Variants in ADRA1B observed in about 807,000 individuals in gnomAD.
ADRA1B encodes the protein alpha-1B adrenergic receptor.
Under a neutral mutation model 17.9 loss-of-function variants are expected in ADRA1B, and 17 were observed. The ratio of observed to expected loss-of-function variants is 0.95; its 90% CI spans 0.65 to 1.42. ADRA1B has a LOEUF of 1.42. Ranked by LOEUF, ADRA1B falls within the 40% of genes most tolerant of loss-of-function variation. ADRA1B has a pLI of 0.00. For synonymous variants in ADRA1B, 366 were observed against 327.6 expected, an observed-to-expected ratio of 1.12 and a Z score of -1.27; for missense variants, 681 against 722.1, an observed-to-expected ratio of 0.94 and a Z score of 0.65.
chr5:159,943,941 AACAC>A (rs1323571329), intron 1 of ADRA1B, among the ~76,000 whole-genome samples: 1 of 121,842 alleles, frequency 8.2e-6, no homozygotes, highest in South Asian at 2.7e-4. Flanking sequence ...CACACACACA[AACAC>A]ACACACACAC....
At chr5:159,906,506 A>G (rs772291651) in intron 1 of ADRA1B, among the ~76,000 whole-genome samples, 2 of 152,146 alleles carry the variant, frequency 1.3e-5, no homozygotes, top group African/African-American at 2.4e-5. Flanking sequence ...AAATTCCTGA[A>G]CCCCATTTCA....
intron 1 of ADRA1B, chr5:159,948,243 G>T: frequency 1.0e-6 from 1 of 985,398 alleles, no homozygotes; most frequent in Non-Finnish European, 1.2e-6. Context: ...AGATTATTTT[G>T]TGAAAGCTCC....
chr5:159,879,365 C>T (rs529822569), intron 1 of ADRA1B, among the ~76,000 whole-genome samples: 1 of 152,152 alleles, frequency 6.6e-6, no homozygotes, highest in Non-Finnish European at 1.5e-5. Flanking sequence ...GCAACAGGCG[C>T]CTGCCTGTAA....
chr5:159,977,089 T>C (rs1305257607), downstream of ADRA1B, among the ~76,000 whole-genome samples: 2 of 152,222 alleles, frequency 1.3e-5, no homozygotes, highest in Non-Finnish European at 2.9e-5. Flanking sequence ...TCTCAACTTT[T>C]CCTGAATCAG....
chr5:159,928,561 C>A (rs1351540191), intron 1 of ADRA1B, among the ~76,000 whole-genome samples: 1 of 151,916 alleles, frequency 6.6e-6, no homozygotes, highest in Non-Finnish European at 1.5e-5. Flanking sequence ...TTAACTTTTT[C>A]CAAGTGTGTC....
At chr5:159,898,501 G>C (rs1430001776) in intron 1 of ADRA1B, among the ~76,000 whole-genome samples, 2 of 152,126 alleles carry the variant, frequency 1.3e-5, no homozygotes, top group African/African-American at 2.4e-5. Context: ...GGAAACTAGG[G>C]GTTAGATTGA....
Position 159,917,202 on chromosome 5 carries a change from G to A in ADRA1B, c.297G>A (p.Leu99=), listed in dbSNP as rs1304866449. 2 of 1,614,176 alleles carry A rather than the reference G, an allele frequency of 1.2e-6. No individual in the cohort carries two copies. The highest frequency in any genetic ancestry group is 1.7e-6 in the Non-Finnish European group (2 of 1,180,046). Residue 99 remains leucine, a synonymous_variant, in exon 1 of 2, where the codon CTG becomes CTA. Transcript: ENST00000306675. Reference sequence around the variant, plus strand: ...ACCTGCTGTTGAGCTTCACCGTCCTGCCCTTCTCAGCGGCCCTAGAGGTGC... The same window carrying A: ...ACCTGCTGTTGAGCTTCACCGTCCTACCCTTCTCAGCGGCCCTAGAGGTGC... ...MADLLLSFTV[L]PFSAALEVLG...
chr5:159,932,326 T>G (rs1198871604), intron 1 of ADRA1B, among the ~76,000 whole-genome samples: 1 of 151,970 alleles, frequency 6.6e-6, no homozygotes, highest in Admixed American at 6.6e-5. Flanking sequence ...CCAGCTAATT[T>G]GTAAATTTTT....
chr5:159,956,842 T>G (rs1468302482), intron 1 of ADRA1B, among the ~76,000 whole-genome samples: 1 of 152,192 alleles, frequency 6.6e-6, no homozygotes, highest in Non-Finnish European at 1.5e-5. Flanking sequence ...TAAAATATCT[T>G]CCACAAAAAT....
intron 1 of ADRA1B, among the ~76,000 whole-genome samples, chr5:159,904,654 T>C (rs1001227847): frequency 3.9e-5 from 6 of 152,176 alleles, no homozygotes; most frequent in Non-Finnish European, 8.8e-5. Context: ...CAAAGTGCAT[T>C]ATACACATTG....
upstream of ADRA1B, among the ~76,000 whole-genome samples, chr5:159,913,660 CT>C (rs1222950884): frequency 8.6e-5 from 13 of 151,808 alleles, no homozygotes; most frequent in African/African-American, 2.7e-4. Context: ...CAGATTTGCT[CT>C]TTTTTTTTCA....
chr5:159,965,314 G>C (rs1015045681), intron 1 of ADRA1B, among the ~76,000 whole-genome samples: 1 of 152,144 alleles, frequency 6.6e-6, no homozygotes, highest in Non-Finnish European at 1.5e-5. Context: ...CCATGAGCAA[G>C]GGAAGCGGAG....
chr5:159,967,617 A>G (rs1393958242), intron 1 of ADRA1B, among the ~76,000 whole-genome samples: 4 of 152,224 alleles, frequency 2.6e-5, no homozygotes, highest in Admixed American at 1.3e-4. Context: ...TGAACAGCCA[A>G]TAACTCAAGA....
At chr5:159,965,383 C>T (rs936377413) in intron 1 of ADRA1B, among the ~76,000 whole-genome samples, 1 of 152,124 alleles carries the variant, frequency 6.6e-6, no homozygotes, top group African/African-American at 2.4e-5. Flanking sequence ...TGTTAAAGAG[C>T]CCAGCGCAGC....
chr5:159,988,792 C>A, the ADRA1B span, among the ~76,000 whole-genome samples: 435 of 152,300 alleles, frequency 2.9e-3, 5 homozygotes, highest in African/African-American at 0.01. Flanking sequence ...GCCTGGACAA[C>A]ATAGCAAGAC....
chr5:159,977,861 T>C (rs1183031300), downstream of ADRA1B, among the ~76,000 whole-genome samples: 2 of 152,104 alleles, frequency 1.3e-5, no homozygotes, highest in Non-Finnish European at 2.9e-5. Flanking sequence ...AACTCCCAGC[T>C]CAGGGACTTT....
At chr5:159,941,919 CTTTTT>C (rs70987983) in intron 1 of ADRA1B, among the ~76,000 whole-genome samples, 8 of 122,138 alleles carry the variant, frequency 6.5e-5, no homozygotes, top group African/African-American at 2.2e-4. Flanking sequence ...TACTGGGTTT[CTTTTT>C]TTTTTTTTTT....
At chr5:159,928,324 T>C (rs1195069260) in intron 1 of ADRA1B, among the ~76,000 whole-genome samples, 1 of 152,110 alleles carries the variant, frequency 6.6e-6, no homozygotes. Context: ...TACAGTAGAA[T>C]CTGTCCACAT....
At chr5:159,946,206 C>A (rs1466965047) in intron 1 of ADRA1B, among the ~76,000 whole-genome samples, 1 of 152,134 alleles carries the variant, frequency 6.6e-6, no homozygotes. Flanking sequence ...AAATCTAGAC[C>A]ATCCAGGAAA....
Sources: gnomAD v4.1 joint callset for allele counts (sites outside exome capture counted in the v4.1 genomes callset) on GRCh38, gnomAD v4.1.1 for gene constraint, MANE v1.5 for transcripts, NCBI Gene and HGNC (gene_info 2026-07-23, HGNC 2026-07-21) for gene names.